Variants in GRID2 observed in about 807,000 individuals in gnomAD.
GRID2 encodes the protein glutamate ionotropic receptor delta type subunit 2.
In GRID2, 33 loss-of-function variants were observed where a neutral mutation model predicts 114.8. The ratio of observed to expected loss-of-function variants is 0.29; its 90% CI spans 0.22 to 0.38. GRID2 has a LOEUF of 0.38. Ranked by LOEUF, GRID2 falls within the 10% of genes least tolerant of loss-of-function variation. The pLI, the probability that GRID2 is intolerant of heterozygous loss-of-function variation, is 1.00. For synonymous variants in GRID2, 505 were observed against 449.9 expected, an observed-to-expected ratio of 1.12 and a Z score of -1.55; for missense variants, 1,184 against 1,257.7, an observed-to-expected ratio of 0.94 and a Z score of 0.89.
chr4:92,473,938 C>A (rs1368721249), intron 1 of GRID2, among the ~76,000 whole-genome samples: 1 of 149,356 alleles, frequency 6.7e-6, no homozygotes. Context: ...AAAAATCATA[C>A]CCATCACCTC....
At chr4:93,498,788 G>A (rs747940380) in intron 12 of GRID2, among the ~76,000 whole-genome samples, 3 of 151,628 alleles carry the variant, frequency 2.0e-5, no homozygotes, top group Non-Finnish European at 4.4e-5. Context: ...CCTTTTCTTT[G>A]CTGGATAGAA....
intron 2 of GRID2, among the ~76,000 whole-genome samples, chr4:93,053,407 G>A (rs1726911200): frequency 6.6e-6 from 1 of 151,706 alleles, no homozygotes; most frequent in South Asian, 2.1e-4. Flanking sequence ...GTGAATTTAA[G>A]TGTGTGTTCT....
chr4:92,304,774 A>C, intron 1 of GRID2, 30 bp downstream of exon 1: 1 of 1,471,034 alleles, frequency 6.8e-7, no homozygotes, highest in East Asian at 2.3e-5. Flanking sequence ...GCTCGTGGTT[A>C]CTTTTACCGT....
intron 2 of GRID2, among the ~76,000 whole-genome samples, chr4:92,738,019 T>G (rs1736684722): frequency 6.6e-6 from 1 of 152,112 alleles, no homozygotes; most frequent in Admixed American, 6.6e-5. Context: ...TGAGGAAAGG[T>G]TTTTGCACAT....
chr4:93,198,037 A>C (rs1741678959), intron 4 of GRID2, among the ~76,000 whole-genome samples: 1 of 152,114 alleles, frequency 6.6e-6, no homozygotes, highest in African/African-American at 2.4e-5. Context: ...TAGGTGAGGT[A>C]TGGATATCCA....
chr4:92,628,407 G>A (rs1033953540), intron 2 of GRID2, among the ~76,000 whole-genome samples: 49 of 152,218 alleles, frequency 3.2e-4, no homozygotes, highest in Admixed American at 2.8e-3. Context: ...AGTCTGGACT[G>A]GAGTGCAGTG....
chr4:93,075,202 C>T (rs574458215), intron 2 of GRID2, among the ~76,000 whole-genome samples: 14 of 152,088 alleles, frequency 9.2e-5, no homozygotes, highest in Admixed American at 2.0e-4. Context: ...AAAGAAAAAC[C>T]ATATGGTTAT....
chr4:92,401,313 G>T (rs1318019452), intron 1 of GRID2, among the ~76,000 whole-genome samples: 1 of 152,128 alleles, frequency 6.6e-6, no homozygotes, highest in Non-Finnish European at 1.5e-5. Context: ...GATATTACAT[G>T]TTTATATAGT....
intron 2 of GRID2, among the ~76,000 whole-genome samples, chr4:92,840,993 A>G (rs1742850239): frequency 6.6e-6 from 1 of 152,048 alleles, no homozygotes; most frequent in Non-Finnish European, 1.5e-5. Context: ...CACTGAAACA[A>G]CTGCTTTCCC....
intron 4 of GRID2, among the ~76,000 whole-genome samples, chr4:93,115,094 G>A (rs935257112): frequency 7.3e-6 from 1 of 136,896 alleles, no homozygotes; most frequent in African/African-American, 2.7e-5. Flanking sequence ...GTGTGTGCTT[G>A]TGTGTGTGTG....
chr4:93,483,795 C>T (rs1580211427), intron 11 of GRID2, among the ~76,000 whole-genome samples: 1 of 151,904 alleles, frequency 6.6e-6, no homozygotes, highest in East Asian at 1.9e-4. Context: ...ATTTTTCATG[C>T]TTTAGCAGAG....
intron 2 of GRID2, among the ~76,000 whole-genome samples, chr4:93,071,460 T>A (rs1026141018): frequency 3.9e-5 from 6 of 151,994 alleles, no homozygotes; most frequent in African/African-American, 1.4e-4. Flanking sequence ...AGAGTAAAAA[T>A]AGAGAAATAG....
intron 1 of GRID2, among the ~76,000 whole-genome samples, chr4:92,378,416 A>G (rs1171789271): frequency 6.6e-6 from 1 of 152,168 alleles, no homozygotes; most frequent in Non-Finnish European, 1.5e-5. Context: ...TAAGGATTGT[A>G]TTTAATGAAA....
chr4:93,516,994 G>T (rs1414559427), intron 13 of GRID2, among the ~76,000 whole-genome samples: 1 of 151,902 alleles, frequency 6.6e-6, no homozygotes, highest in East Asian at 1.9e-4. Flanking sequence ...GTGTTAATGG[G>T]CACATCAATC....
At chr4:92,838,278 A>G (rs1742612519) in intron 2 of GRID2, among the ~76,000 whole-genome samples, 1 of 152,068 alleles carries the variant, frequency 6.6e-6, no homozygotes, top group African/African-American at 2.4e-5. Context: ...GAATATCACT[A>G]CCATGTGTGA....
chr4:92,779,109 T>C (rs778098999), intron 2 of GRID2, among the ~76,000 whole-genome samples: 26 of 152,104 alleles, frequency 1.7e-4, no homozygotes, highest in Non-Finnish European at 3.5e-4. Context: ...TTGTTAGAGA[T>C]GCTTGAGAAG....
intron 10 of GRID2, among the ~76,000 whole-genome samples, chr4:93,448,598 C>T (rs1403479776): frequency 2.0e-5 from 3 of 151,652 alleles, no homozygotes; most frequent in African/African-American, 7.3e-5. Flanking sequence ...CATCAAAATA[C>T]AATAAAACTA....
At chr4:92,366,699 G>T (rs1245846520) in intron 1 of GRID2, among the ~76,000 whole-genome samples, 1 of 151,912 alleles carries the variant, frequency 6.6e-6, no homozygotes, top group East Asian at 1.9e-4. Context: ...AGACCTAAAG[G>T]TAAGACCTGA....
chr4:93,494,648 A>G lies in GRID2; in HGVS notation c.1997+3871A>G, dbSNP rs1459742288. ...GGGCAGCACATCATAACTATGTCCT[A>G]TGTTTAATATAATATAATGAGACAG... On this transcript the variant is annotated intron_variant, in intron 12 of 15. Transcript: ENST00000282020. 7.2e-5 allele frequency among the ~76,000 whole-genome samples: 11 copies of G among 151,772 alleles called. No individual in the cohort carries two copies. In the East Asian group the frequency reaches 2.1e-3, roughly 30 times the overall value.
Sources: gnomAD v4.1 joint callset for allele counts (sites outside exome capture counted in the v4.1 genomes callset) on GRCh38, gnomAD v4.1.1 for gene constraint, MANE v1.5 for transcripts, NCBI Gene and HGNC (gene_info 2026-07-23, HGNC 2026-07-21) for gene names.